The following SH3PXD2B variants were observed in gnomAD, a reference collection of about 807,000 sequenced individuals.
SH3PXD2B encodes SH3 and PX domains 2B.
In SH3PXD2B, 37 loss-of-function variants were observed where a neutral mutation model predicts 73.1. The observed-to-expected ratio is 0.51, with a 90% confidence interval of 0.39 to 0.67. The LOEUF is 0.67. Among genes scored for constraint, SH3PXD2B ranks in the 30% least tolerant of loss-of-function variants. The pLI is 0.00. For missense variants in SH3PXD2B, 1,053 were observed against 1,197.8 expected, an observed-to-expected ratio of 0.88 and a Z score of 1.78; for synonymous variants, 457 against 480.5, an observed-to-expected ratio of 0.95 and a Z score of 0.64.
intron 3 of SH3PXD2B, among the ~76,000 whole-genome samples, chr5:172,396,015 T>G (rs970954722): frequency 6.6e-6 from 1 of 151,974 alleles, no homozygotes; most frequent in Non-Finnish European, 1.5e-5. Flanking sequence ...GATGGCTATC[T>G]CCACAGATCA....
intron 1 of SH3PXD2B, among the ~76,000 whole-genome samples, chr5:172,428,432 C>T (rs151058730): frequency 6.6e-6 from 1 of 152,296 alleles, no homozygotes; most frequent in East Asian, 1.9e-4. Context: ...ATAACAAGTG[C>T]TGATGAAAAT....
chr5:172,396,604 A>T (rs1229430327), intron 3 of SH3PXD2B, among the ~76,000 whole-genome samples: 2 of 149,772 alleles, frequency 1.3e-5, no homozygotes, highest in Non-Finnish European at 2.9e-5. Context: ...AATTTAAAAA[A>T]AGAGAGAAAG....
chr5:172,357,773 C>G (rs1757314432), intron 8 of SH3PXD2B, among the ~76,000 whole-genome samples: 1 of 152,214 alleles, frequency 6.6e-6, no homozygotes, highest in South Asian at 2.1e-4. Context: ...GGGGCGTTAG[C>G]TGTAATACAA....
intron 1 of SH3PXD2B, among the ~76,000 whole-genome samples, chr5:172,436,759 G>A (rs560401891): frequency 2.6e-5 from 4 of 152,364 alleles, no homozygotes; most frequent in South Asian, 2.1e-4. Context: ...CTTCTGCAGC[G>A]GGTCATCAGG....
At chr5:172,407,356 T>C (rs1758584454) in intron 2 of SH3PXD2B, among the ~76,000 whole-genome samples, 1 of 152,218 alleles carries the variant, frequency 6.6e-6, no homozygotes, top group Admixed American at 6.5e-5. Context: ...GCTTTCCCAC[T>C]TGCTATTTCC....
intron 1 of SH3PXD2B, among the ~76,000 whole-genome samples, chr5:172,441,099 A>G (rs1759542200): frequency 6.6e-6 from 1 of 152,230 alleles, no homozygotes; most frequent in African/African-American, 2.4e-5. Flanking sequence ...CATATGGTTC[A>G]ACCTAACAGC....
chr5:172,370,895 A>C (rs1277539183), intron 6 of SH3PXD2B, among the ~76,000 whole-genome samples: 6 of 152,220 alleles, frequency 3.9e-5, no homozygotes, highest in Admixed American at 1.3e-4. Flanking sequence ...TAATAATTGC[A>C]ATCTCTAAAT....
At position 172,395,378 on chromosome 5, in the gene SH3PXD2B, C is replaced by T. The variant is rs993978595; in HGVS notation, c.233-739G>A. Among the ~76,000 whole-genome samples, 10 of 152,288 alleles carry T rather than the reference C, an allele frequency of 6.6e-5. No individual in the cohort carries two copies. The East Asian group carries it at 1.2e-3, about 18-fold the overall frequency. ...TCCAGTTCCTTCCCCAGTTAGTGTTCGTAAGAGAAGGGTTTTGAGTTCTCT... is the reference window on the plus strand; with the variant it reads ...TCCAGTTCCTTCCCCAGTTAGTGTTTGTAAGAGAAGGGTTTTGAGTTCTCT... On this transcript the variant is annotated intron_variant, in intron 3 of 12. Coordinates refer to ENST00000311601, the MANE Select transcript of SH3PXD2B (RefSeq NM_001017995.3).
chr5:172,403,543 C>T (rs1019653304), intron 3 of SH3PXD2B, among the ~76,000 whole-genome samples: 1 of 152,140 alleles, frequency 6.6e-6, no homozygotes, highest in Non-Finnish European at 1.5e-5. Context: ...TGAGAAGGGA[C>T]CAAGTCCCTG....
At chr5:172,437,608 C>T (rs979186020) in intron 1 of SH3PXD2B, among the ~76,000 whole-genome samples, 3 of 152,262 alleles carry the variant, frequency 2.0e-5, no homozygotes, top group African/African-American at 7.2e-5. Context: ...CCCACGTCAG[C>T]GCCAGGAATC....
rs765934552 is a variant in SH3PXD2B, at chr5:172,334,246, G to A, written c.*4123C>T. 1.9e-6 allele frequency: 2 copies of A among 1,035,492 alleles called. No individual in the cohort carries two copies. The highest frequency in any genetic ancestry group is 1.2e-6 in the Non-Finnish European group (1 of 864,348). The allele number at this position is 1,035,492 out of a possible 1,614,324, so 64.1% of individuals were successfully genotyped here. ...TGGGCAGTCCAGTCTGTAGAAAGGT[G>A]CTCTGAAGGAGGTCCATGAGCAGGC... is the stretch of plus-strand genomic sequence containing the variant. On this transcript the variant is annotated 3_prime_UTR_variant, in exon 13 of 13. Transcript: ENST00000311601.
At chr5:172,398,722 A>C (rs987832229) in intron 3 of SH3PXD2B, among the ~76,000 whole-genome samples, 1 of 152,214 alleles carries the variant, frequency 6.6e-6, no homozygotes, top group Non-Finnish European at 1.5e-5. Flanking sequence ...GGGTAACATT[A>C]ATTATTTAAG....
chr5:172,340,393 C>T (rs999866075), intron 12 of SH3PXD2B, among the ~76,000 whole-genome samples: 4 of 152,152 alleles, frequency 2.6e-5, no homozygotes, highest in African/African-American at 9.7e-5. Context: ...GGTATTAACT[C>T]CTCTCCCCTT....
chr5:172,400,550 G>C (rs1389822349), intron 3 of SH3PXD2B, among the ~76,000 whole-genome samples: 9 of 152,136 alleles, frequency 5.9e-5, no homozygotes, highest in Non-Finnish European at 1.0e-4. Context: ...TTTGGAAATT[G>C]GCTCTTGCCA....
At chr5:172,327,535 T>C (rs10065430) in intron 12 of SH3PXD2B, among the ~76,000 whole-genome samples, 3,811 of 152,276 alleles carry the variant, frequency 0.025, 118 homozygotes, top group African/African-American at 0.074. Context: ...TTTGCATATG[T>C]ATTTTATTAC....
rs1491266998 is a variant in SH3PXD2B at position 172,368,605 on chromosome 5, TAA to T, written c.427+5183_427+5184del. ...ATATATATAAAATATGTTATATATATAATATATATGTTATATATATATATAAT... is the reference window on the plus strand; with the variant it reads ...ATATATATAAAATATGTTATATATATTATATATGTTATATATATATATAAT... On this transcript the variant is annotated intron_variant, in intron 6 of 12. Transcript: ENST00000311601. 1.5e-4 allele frequency among the ~76,000 whole-genome samples: 3 copies of T among 20,288 alleles called. 1 individual carries two copies. The highest frequency in any genetic ancestry group is 3.5e-4 in the African/African-American group (1 of 2,824). The allele number at this position is 20,288 out of a possible 152,430, so 13.3% of individuals were successfully genotyped here.
intron 3 of SH3PXD2B, among the ~76,000 whole-genome samples, chr5:172,402,708 C>T (rs1474677988): frequency 1.3e-5 from 2 of 152,200 alleles, no homozygotes; most frequent in African/African-American, 4.8e-5. Context: ...ATTTACCTCC[C>T]GGAGCCTCAG....
intron 3 of SH3PXD2B, 87 bp downstream of exon 3, chr5:172,406,190 A>T: frequency 7.1e-7 from 1 of 1,412,616 alleles, no homozygotes. Context: ...CTGATAAAGG[A>T]AGACAAGCTG....
At chr5:172,371,549 A>G (rs767003238) in intron 6 of SH3PXD2B, among the ~76,000 whole-genome samples, 5 of 152,266 alleles carry the variant, frequency 3.3e-5, no homozygotes, top group Non-Finnish European at 5.9e-5. Flanking sequence ...CAAAGGTCAC[A>G]TAAGATATAA....
Sources: allele counts gnomAD v4.1 joint callset (sites outside exome capture counted in the v4.1 genomes callset), GRCh38; gene constraint gnomAD v4.1.1; transcripts MANE v1.5; gene names NCBI Gene and HGNC (gene_info 2026-07-23, HGNC 2026-07-21).